The following ECT2 variants were observed in gnomAD, a reference collection of about 807,000 sequenced individuals.
ECT2 encodes epithelial cell transforming 2.
Under a neutral mutation model 116.9 loss-of-function variants are expected in ECT2, and 61 were observed. The ratio of observed to expected loss-of-function variants is 0.52; its 90% confidence interval spans 0.42 to 0.65. The LOEUF (loss-of-function observed/expected upper bound fraction) is 0.65, where lower values mean the gene tolerates loss of function less well. ECT2 is among the 30% of genes least tolerant of loss of function. The pLI is 0.00. For synonymous variants in ECT2, 358 were observed against 346.4 expected (o/e 1.03, Z -0.37); for missense variants, 937 against 1,078.7 (o/e 0.87, Z 1.84).
At chr3:172,760,320 TTAA>T (rs1717975493) in intron 7 of ECT2, 57 bp downstream of exon 7, 1 of 982,302 alleles carries the variant, frequency 1.0e-6, no homozygotes, top group Non-Finnish European at 1.5e-6. Context: ...TGGCATGGGT[TTAA>T]TAATAGCAGT....
Position 172,820,563 on chromosome 3 carries a change from G to T in ECT2, c.*326G>T, listed in dbSNP as rs189618265. On this transcript the variant is annotated 3_prime_UTR_variant, in exon 25 of 25. Transcript: ENST00000392692. ...TAGAGTAAATAAATTTTATGGGCGG[G>T]TGCCAAATACTGCTGTGAATCTATT... 9.1e-4 allele frequency: 160 copies of T among 176,392 alleles called. No homozygotes were observed. Among genetic ancestry groups the T allele is most frequent in the African/African-American group, 3.6e-3 (154 of 42,366 alleles). 10.9% of individuals were successfully genotyped at this position (176,392 alleles called of 1,614,324 possible). A position where few individuals can be genotyped will look rare whatever the true frequency, so the allele number is the denominator to read the frequency against.
intron 4 of ECT2, among the ~76,000 whole-genome samples, chr3:172,756,208 A>G (rs907484972): frequency 1.3e-5 from 2 of 152,194 alleles, no homozygotes; most frequent in Non-Finnish European, 2.9e-5. Flanking sequence ...GGGCTTCAAC[A>G]TGAATTTTGG....
chr3:172,805,220 T>A (rs1727464651), intron 20 of ECT2, among the ~76,000 whole-genome samples: 1 of 152,144 alleles, frequency 6.6e-6, no homozygotes, highest in Non-Finnish European at 1.5e-5. Context: ...GAAACTAATT[T>A]GGGATTTAAG....
chr3:172,760,830 C>T (rs1468037381), intron 7 of ECT2, among the ~76,000 whole-genome samples: 2 of 149,728 alleles, frequency 1.3e-5, no homozygotes, highest in African/African-American at 4.9e-5. Flanking sequence ...ACGCCATTCT[C>T]CTGCCTCAGC....
At chr3:172,776,873 GT>G (rs34685201) in intron 14 of ECT2, among the ~76,000 whole-genome samples, 117 of 143,968 alleles carry the variant, frequency 8.1e-4, no homozygotes, top group African/African-American at 1.8e-3. Context: ...AAACGGGTTT[GT>G]TTTTTTTTTT....
downstream of ECT2, among the ~76,000 whole-genome samples, chr3:172,823,310 C>CAACCTAATAGAAA (rs201044930): frequency 0.063 from 9,550 of 151,958 alleles, 997 homozygotes; most frequent in African/African-American, 0.22. Context: ...TCTCTAAAAA[C>CAACCTAATAGAAA]AACCTAATAG....
intron 14 of ECT2, among the ~76,000 whole-genome samples, chr3:172,777,983 G>A (rs1018461382): frequency 1.3e-5 from 2 of 152,122 alleles, no homozygotes; most frequent in Admixed American, 6.6e-5. Flanking sequence ...TTATTTTAGC[G>A]TAAGCCTCAA....
intron 13 of ECT2, among the ~76,000 whole-genome samples, chr3:172,769,853 C>T (rs1720276743): frequency 6.6e-6 from 1 of 152,102 alleles, no homozygotes. Flanking sequence ...GATAGGTTGA[C>T]ATACTGTTAA....
rs1722071671 is a variant in ECT2 at position 172,778,137 on chromosome 3, A to G, written c.1549-4026A>G. On this transcript the variant is annotated intron_variant, in intron 14 of 24. Coordinates refer to ENST00000392692, the MANE Select transcript of ECT2 (RefSeq NM_001258315.2). ...AGAATAAATCTTAACAAGGAAGAAAAGAAGTAAGTAGCTTAGCTTTCTTAA... is the reference window on the plus strand; with the variant it reads ...AGAATAAATCTTAACAAGGAAGAAAGGAAGTAAGTAGCTTAGCTTTCTTAA... Among the ~76,000 whole-genome samples, 3 of 152,156 alleles carry G rather than the reference A, an allele frequency of 2.0e-5. No individual in the cohort carries two copies. In the South Asian group the frequency reaches 6.2e-4, roughly 32 times the overall value.
chr3:172,817,404 A>AC lies in ECT2; in HGVS notation c.2655+567_2655+568insC, dbSNP rs538906530. 1.8e-3 allele frequency among the ~76,000 whole-genome samples: 279 copies of AC among 152,170 alleles called. 3 individuals are homozygous for AC. Among genetic ancestry groups the AC allele is most frequent in the South Asian group, 2.9e-3 (14 of 4,820 alleles). Reference sequence around the variant, plus strand: ...TTACTGGGATTGAAATATGTTCTAAAATCTCTGAGAAAAGAAACGCGTTTC... The same window carrying AC: ...TTACTGGGATTGAAATATGTTCTAAACATCTCTGAGAAAAGAAACGCGTTTC... On this transcript the variant is annotated intron_variant, in intron 24 of 24. Coordinates refer to ENST00000392692, the MANE Select transcript of ECT2 (RefSeq NM_001258315.2).
In ECT2 at chr3:172,760,085, T is replaced by A. The variant is rs73880263; in HGVS notation, c.577-71T>A. On this transcript the variant is annotated intron_variant, in intron 6 of 24. Coordinates refer to ENST00000392692, the MANE Select transcript of ECT2 (RefSeq NM_001258315.2). ...GAAAGTATTTAGCAAATGCTAAATG[T>A]GGGGTAAACATAGTTTAAAATTTTG... is the stretch of plus-strand genomic sequence containing the variant. 13,836 of 873,254 alleles carry A rather than the reference T, an allele frequency of 0.016. 1,385 individuals carry two copies. In the African/African-American group the frequency reaches 0.21, roughly 13 times the overall value. 54.1% of individuals were successfully genotyped at this position (873,254 alleles called of 1,614,324 possible).
At chr3:172,758,461 T>G (rs2108441210) in intron 5 of ECT2, among the ~76,000 whole-genome samples, 1 of 75,758 alleles carries the variant, frequency 1.3e-5, no homozygotes, top group African/African-American at 6.1e-5. Flanking sequence ...TAAACCGTTC[T>G]CTTTTATACA....
intron 6 of ECT2, 144 bp from the exon 7 acceptor site, chr3:172,760,012 C>A: frequency 2.0e-6 from 1 of 512,384 alleles, no homozygotes; most frequent in Non-Finnish European, 3.4e-6. Context: ...CTTACTTTGA[C>A]ATAAAATTTA....
rs371020897 is a variant in ECT2 at position 172,786,462 on chromosome 3, T to A, written c.1826-31T>A. The A allele has an allele frequency of 4.6e-4, 665 of 1,454,238 alleles. 7 individuals carry two copies. In the South Asian group the frequency reaches 5.5e-3, roughly 12 times the overall value. 90.1% of individuals were successfully genotyped at this position (1,454,238 alleles called of 1,614,324 possible). ...TTAGATGAGAAATCACTGAATTTTTTATGCATGGAAAAAACATTGTATTAT... is the reference window on the plus strand; with the variant it reads ...TTAGATGAGAAATCACTGAATTTTTAATGCATGGAAAAAACATTGTATTAT... On this transcript the variant is annotated intron_variant, in intron 17 of 24. Coordinates refer to ENST00000392692, the MANE Select transcript of ECT2 (RefSeq NM_001258315.2).
chr3:172,764,195 G>A, intron 11 of ECT2, 83 bp from the exon 12 acceptor site: 3 of 1,220,238 alleles, frequency 2.5e-6, no homozygotes, highest in Non-Finnish European at 3.5e-6. Flanking sequence ...GATTCTGTCA[G>A]ACTTGTAAAT....
intron 14 of ECT2, among the ~76,000 whole-genome samples, chr3:172,776,140 A>ATTCT (rs1393422540): frequency 2.0e-5 from 3 of 149,596 alleles, no homozygotes; most frequent in Admixed American, 6.6e-5. Context: ...GTGTAACTTA[A>ATTCT]TTCTTTAAGC....
At chr3:172,818,397 A>G (rs1279864771) in intron 24 of ECT2, 1 of 378,886 alleles carries the variant, frequency 2.6e-6, no homozygotes, top group African/African-American at 2.2e-5. Flanking sequence ...TTCATCTTTC[A>G]AATGAAAATA....
At chr3:172,779,826 TG>T (rs1722371257) in intron 14 of ECT2, among the ~76,000 whole-genome samples, 1 of 151,518 alleles carries the variant, frequency 6.6e-6, no homozygotes, top group Non-Finnish European at 1.5e-5. Context: ...TGCTTGAGCT[TG>T]GGTGGTTGAG....
chr3:172,784,978 C>T (rs894475324), intron 17 of ECT2, among the ~76,000 whole-genome samples, 175 bp downstream of exon 17: 1 of 152,092 alleles, frequency 6.6e-6, no homozygotes, highest in African/African-American at 2.4e-5. Context: ...TAAAATTCAG[C>T]CTGGCCTGAA....
Sources: allele counts gnomAD v4.1 joint callset (sites outside exome capture counted in the v4.1 genomes callset), GRCh38; gene constraint gnomAD v4.1.1; transcripts MANE v1.5; gene names NCBI Gene and HGNC (gene_info 2026-07-23, HGNC 2026-07-21).